Variants in SPDYA observed in about 807,000 individuals in gnomAD.
SPDYA encodes speedy protein A.
A neutral mutation model predicts 36.7 loss-of-function variants in SPDYA; 11 were observed. The observed-to-expected ratio is 0.30, with a 90% confidence interval of 0.19 to 0.50. The LOEUF is 0.50. Among genes scored for constraint, SPDYA ranks in the 20% least tolerant of loss-of-function variants. SPDYA has a pLI of 0.98. For missense variants in SPDYA, 287 were observed against 370.9 expected (o/e 0.77, Z 1.86); for synonymous variants, 115 against 118.7 (o/e 0.97, Z 0.20).
At position 28,850,114 on chromosome 2, in the gene SPDYA, C is replaced by T; in HGVS notation, c.*173C>T. 7.5e-7 allele frequency: 1 copy of T among 1,338,986 alleles called. No individual in the cohort carries two copies. Among genetic ancestry groups the T allele is most frequent in the South Asian group, 1.3e-5 (1 of 78,626 alleles). The allele number at this position is 1,338,986 out of a possible 1,614,324, so 82.9% of individuals were successfully genotyped here. ...AAGTCATAGTAATAGCTAAAAATGCCAATCTATGGAAGCAGTGATTTTCAA... is the reference window on the plus strand; with the variant it reads ...AAGTCATAGTAATAGCTAAAAATGCTAATCTATGGAAGCAGTGATTTTCAA... On this transcript the variant is annotated 3_prime_UTR_variant, in exon 8 of 8. Transcript: ENST00000334056.
Position 28,840,398 on chromosome 2 carries a change from C to T in SPDYA, c.779C>T (p.Ser260Phe), listed in dbSNP as rs527773246. 3.1e-6 allele frequency: 5 copies of T among 1,613,446 alleles called. No homozygotes were observed. Among genetic ancestry groups the T allele is most frequent in the Non-Finnish European group, 4.2e-6 (5 of 1,179,708 alleles). ...SHTAGVTEKH[S>F]QDSYNSLSMD... ...ACAGCAGGGGTGACAGAAAAACATT[C>T]TCAGGACTCATACAACTCACTGTCA... The change falls in exon 7 of 8, where the codon TCT (serine) becomes TTT (phenylalanine). Residue 260 changes from serine to phenylalanine, a missense_variant. Physicochemically the swap from Ser to Phe is radical, Grantham distance 155. Coordinates refer to ENST00000334056, the MANE Select transcript of SPDYA (RefSeq NM_182756.4).
In SPDYA at chr2:28,844,539, T is replaced by C. The variant is rs148950758; in HGVS notation, c.850+4070T>C. On this transcript the variant is annotated intron_variant, in intron 7 of 7. Coordinates refer to ENST00000334056, the MANE Select transcript of SPDYA (RefSeq NM_182756.4). Reference sequence around the variant, plus strand: ...GACAGTGTACCGCATTGCCAGATGATGTTGCCCACCTGTAGCCTAATGTAA... The same window carrying C: ...GACAGTGTACCGCATTGCCAGATGACGTTGCCCACCTGTAGCCTAATGTAA... Among the ~76,000 whole-genome samples the C allele has an allele frequency of 2.3e-3, 343 of 152,310 alleles. 2 individuals are homozygous for C. The highest frequency in any genetic ancestry group is 7.3e-3 in the African/African-American group (305 of 41,554).
At chr2:28,819,820 T>TAAAAAA (rs1174507151) in intron 4 of SPDYA, among the ~76,000 whole-genome samples, 2 of 17,218 alleles carry the variant, frequency 1.2e-4, no homozygotes, top group Non-Finnish European at 9.2e-5. Flanking sequence ...CCTGGTCTCT[T>TAAAAAA]AAAAAAAAAA....
At chr2:28,836,940 C>T (rs1668619426) in intron 6 of SPDYA, among the ~76,000 whole-genome samples, 1 of 152,168 alleles carries the variant, frequency 6.6e-6, no homozygotes, top group South Asian at 2.1e-4. Context: ...CACTTCCAGC[C>T]CCTTTCATGC....
At chr2:28,819,243 T>C in intron 4 of SPDYA, 137 bp downstream of exon 4, 2 of 599,190 alleles carry the variant, frequency 3.3e-6, no homozygotes, top group East Asian at 3.3e-5. Context: ...GTGCAGTGGC[T>C]CACACCTGTA....
At chr2:28,829,038 G>A (rs986051507) in intron 5 of SPDYA, 110 bp from the exon 6 acceptor site, 11 of 846,270 alleles carry the variant, frequency 1.3e-5, no homozygotes, top group Non-Finnish European at 2.0e-5. Flanking sequence ...TTTAATTAAC[G>A]TTGAACACCT....
intron 6 of SPDYA, among the ~76,000 whole-genome samples, chr2:28,831,894 G>A (rs1419860684): frequency 6.6e-6 from 1 of 152,064 alleles, no homozygotes; most frequent in African/African-American, 2.4e-5. Context: ...CTCTACTTGT[G>A]CACTAGATCT....
In SPDYA at chr2:28,829,318, A is replaced by T; in HGVS notation, c.551A>T (p.Glu184Val). 1 of 1,600,184 alleles carries T rather than the reference A, an allele frequency of 6.2e-7. No individual in the cohort carries two copies. The highest frequency in any genetic ancestry group is 8.5e-7 in the Non-Finnish European group (1 of 1,177,030). ...RAIVSRRCCEEVMAIAPTHYI... is the reference protein window; with the variant it reads ...RAIVSRRCCEVVMAIAPTHYI... ...ATTGTAAGCAGGCGATGTTGTGAGG[A>T]GGTAAGAATTTTAAAATGCTTTATA... The change falls in exon 6 of 8, where the codon GAG (glutamate) becomes GTG (valine). Residue 184 changes from glutamate to valine, a missense_variant and splice_region_variant. Glu to Val is a moderately radical substitution (Grantham distance 121, BLOSUM62 -2). Transcript: ENST00000334056.
chr2:28,842,966 T>C (rs1668783823), intron 7 of SPDYA, among the ~76,000 whole-genome samples: 1 of 147,914 alleles, frequency 6.8e-6, no homozygotes, highest in Admixed American at 6.9e-5. Flanking sequence ...TAGTATGTGG[T>C]TGCAAAAACT....
chr2:28,850,327 C>A lies in SPDYA; in HGVS notation c.*386C>A. On this transcript the variant is annotated 3_prime_UTR_variant, in exon 8 of 8. Coordinates refer to ENST00000334056, the MANE Select transcript of SPDYA (RefSeq NM_182756.4). ...TAATATGTTCTGAAAACATTACTCA[C>A]CTGTATGACCAGGTTGCCAGTGTAC... 6.2e-7 allele frequency: 1 copy of A among 1,608,402 alleles called. No homozygotes were observed. The highest frequency in any genetic ancestry group is 8.5e-7 in the Non-Finnish European group (1 of 1,176,202).
chr2:28,813,833 T>G (rs1171348084), intron 1 of SPDYA, among the ~76,000 whole-genome samples: 1 of 152,198 alleles, frequency 6.6e-6, no homozygotes, highest in African/African-American at 2.4e-5. Flanking sequence ...ATTACAGGCA[T>G]GAGCCACTGC....
chr2:28,830,191 T>C (rs1050037794), intron 6 of SPDYA, among the ~76,000 whole-genome samples: 7 of 146,042 alleles, frequency 4.8e-5, no homozygotes, highest in Non-Finnish European at 8.9e-5. Context: ...CCTACTTCTA[T>C]AGTAAGTACT....
At chr2:28,829,955 AAAAAG>A (rs1572504415) in intron 6 of SPDYA, among the ~76,000 whole-genome samples, 1 of 138,960 alleles carries the variant, frequency 7.2e-6, no homozygotes, top group Non-Finnish European at 1.5e-5. Context: ...AAAAAAAAAA[AAAAAG>A]AAAAGAAAAG....
In SPDYA at chr2:28,840,469, G is replaced by A. The variant is rs751029037; in HGVS notation, c.850G>A (p.Val284Ile). The A allele has an allele frequency of 1.2e-5, 19 of 1,613,044 alleles. No homozygotes were observed. In the African/African-American group the frequency reaches 2.0e-4, roughly 17 times the overall value. ...TTCTCAAGCTTATACTGGTTCTGAA[G>A]GTATGATTTAGTAATATGCCAGAAT... ...DPSQAYTGSEVVNDHQSNKGK... is the reference protein window; with the variant it reads ...DPSQAYTGSEIVNDHQSNKGK... Residue 284 changes from valine to isoleucine, a missense_variant and splice_region_variant, in exon 7 of 8, where the codon GTA (valine) becomes ATA (isoleucine). Val to Ile is a conservative substitution (Grantham distance 29). Transcript: ENST00000334056.
At chr2:28,821,929 T>G (rs1356837603) in intron 4 of SPDYA, among the ~76,000 whole-genome samples, 1 of 152,228 alleles carries the variant, frequency 6.6e-6, no homozygotes, top group South Asian at 2.1e-4. Flanking sequence ...AAAAATTATA[T>G]ATACACATAC....
chr2:28,824,555 T>G (rs1327085694), intron 5 of SPDYA, among the ~76,000 whole-genome samples: 2 of 147,832 alleles, frequency 1.4e-5, no homozygotes, highest in East Asian at 3.9e-4. Flanking sequence ...CTTTCTTTCT[T>G]TTTTTTTTTG....
At position 28,822,493 on chromosome 2, in the gene SPDYA, C is replaced by T. The variant is rs536871142; in HGVS notation, c.380+83C>T. ...ATTTAAAACAGAGGCTATTTAAAACCTTATGTATATCTTTGAATAGGCCTT... is the reference window on the plus strand; with the variant it reads ...ATTTAAAACAGAGGCTATTTAAAACTTTATGTATATCTTTGAATAGGCCTT... On this transcript the variant is annotated intron_variant, in intron 5 of 7. Transcript: ENST00000334056. 429 of 617,658 alleles carry T rather than the reference C, an allele frequency of 6.9e-4. 10 individuals are homozygous for T. The South Asian group carries it at 0.014, about 20-fold the overall frequency. 38.3% of individuals were successfully genotyped at this position (617,658 alleles called of 1,614,324 possible).
intron 6 of SPDYA, among the ~76,000 whole-genome samples, chr2:28,831,965 C>T (rs1466755792): frequency 6.6e-6 from 1 of 152,150 alleles, no homozygotes; most frequent in East Asian, 1.9e-4. Flanking sequence ...TCCAGCATTT[C>T]ACATTTTTTA....
chr2:28,816,199 C>G lies in SPDYA; in HGVS notation c.185C>G (p.Pro62Arg). 1 of 1,613,760 alleles carries G rather than the reference C, an allele frequency of 6.2e-7. No homozygotes were observed. The highest frequency in any genetic ancestry group is 8.5e-7 in the Non-Finnish European group (1 of 1,179,906). Residue 62 changes from proline to arginine, a missense_variant, in exon 3 of 8, where the codon CCT becomes CGT. By Grantham distance (103) the Pro-to-Arg change is moderately radical. Coordinates refer to ENST00000334056, the MANE Select transcript of SPDYA (RefSeq NM_182756.4). ...NNNKSKRPKG[P>R]CLVIQRQDMT... ...AACAAATCTAAACGCCCCAAAGGAC[C>G]TTGTCTGGTTATACAGCGTCAGGAT...
Sources: gnomAD v4.1 joint callset for allele counts (sites outside exome capture counted in the v4.1 genomes callset) on GRCh38, gnomAD v4.1.1 for gene constraint, MANE v1.5 for transcripts, NCBI Gene and HGNC (gene_info 2026-07-23, HGNC 2026-07-21) for gene names.